Variants in CLEC2A observed in about 807,000 individuals in gnomAD.
The protein encoded by CLEC2A is C-type lectin domain family 2 member A, also known as keratinocyte-associated C-type lectin.
A neutral mutation model predicts 18.6 loss-of-function variants in CLEC2A; 19 were observed. The observed-to-expected ratio is 1.02, with a 90% CI of 0.71 to 1.50. The LOEUF (loss-of-function observed/expected upper bound fraction) is 1.50, where lower values mean the gene tolerates loss of function less well. Among genes scored for constraint, CLEC2A ranks in the 40% most tolerant of loss-of-function variants. The pLI, the probability that CLEC2A is intolerant of heterozygous loss-of-function variation, is 0.00. For synonymous variants in CLEC2A, 74 were observed against 64.0 expected, an observed-to-expected ratio of 1.16 and a Z score of -0.75; for missense variants, 190 against 207.9, an observed-to-expected ratio of 0.91 and a Z score of 0.53.
rs895924788 is a variant in CLEC2A at position 9,906,720 on chromosome 12, C to T, written c.411-7744G>A. Among the ~76,000 whole-genome samples the T allele has an allele frequency of 2.0e-4, 30 of 152,216 alleles. 1 individual carries two copies. On this transcript the variant is annotated intron_variant, in intron 4 of 4. Coordinates refer to the CLEC2A transcript ENST00000339766. ...GCTTCTCCATCTATTATTGAATACC[C>T]ATTATGTCTTTTTCCCTCAATTACC...
intron 2 of CLEC2A, among the ~76,000 whole-genome samples, chr12:9,924,539 C>T (rs1482785592): frequency 6.6e-6 from 1 of 151,338 alleles, no homozygotes; most frequent in African/African-American, 2.4e-5. Context: ...GCAAACCATG[C>T]ATATGGAAAA....
chr12:9,916,891 T>C (rs1419223044), intron 3 of CLEC2A, 88 bp from the exon 4 acceptor site: 1 of 767,348 alleles, frequency 1.3e-6, no homozygotes, highest in African/African-American at 1.7e-5. Flanking sequence ...TTCTATCTTT[T>C]AGGATTCACA....
chr12:9,884,811 C>T, the CLEC2A span: 4 of 379,358 alleles, frequency 1.1e-5, no homozygotes. Context: ...TTTAGATTTT[C>T]ATTTAATCAT....
chr12:9,889,143 G>C, the CLEC2A span, among the ~76,000 whole-genome samples: 2 of 152,202 alleles, frequency 1.3e-5, no homozygotes, highest in African/African-American at 4.8e-5. Flanking sequence ...ATAGACCTAT[G>C]TTTGAATCAA....
chr12:9,894,277 G>C (rs746494490), downstream of CLEC2A, among the ~76,000 whole-genome samples: 35 of 151,526 alleles, frequency 2.3e-4, no homozygotes, highest in Non-Finnish European at 4.3e-4. Context: ...GACCTTCTGG[G>C]CTCAAGCAAC....
chr12:9,888,600 G>A, the CLEC2A span: 2,547 of 517,634 alleles, frequency 4.9e-3, 6 homozygotes, highest in Non-Finnish European at 6.5e-3. Flanking sequence ...AAGAGGAGTG[G>A]ATGCATAGGA....
downstream of CLEC2A, chr12:9,895,904 G>T: frequency 7.2e-7 from 1 of 1,389,386 alleles, no homozygotes; most frequent in South Asian, 1.6e-5. Context: ...AAGATTTTTA[G>T]ATAAAGTTTC....
At chr12:9,894,596 C>T (rs868565952), downstream of CLEC2A, among the ~76,000 whole-genome samples, 5 of 152,112 alleles carry the variant, frequency 3.3e-5, no homozygotes, top group South Asian at 2.1e-4. Flanking sequence ...TGAAGGGTCA[C>T]GTTTAGACAT....
At chr12:9,897,504 C>G (rs1438546318), downstream of CLEC2A, among the ~76,000 whole-genome samples, 3 of 151,312 alleles carry the variant, frequency 2.0e-5, no homozygotes, top group African/African-American at 7.3e-5. Flanking sequence ...AAATTAGGCA[C>G]GTGGACACAT....
intron 1 of CLEC2A, 93 bp from the exon 2 acceptor site, chr12:9,926,436 A>T (rs953313086): frequency 2.0e-5 from 16 of 781,442 alleles, no homozygotes; most frequent in Non-Finnish European, 2.8e-5. Context: ...ATTGTTAATC[A>T]GGAAACCCTC....
At chr12:9,892,580 C>CTTTTTT in the CLEC2A span, among the ~76,000 whole-genome samples, 2 of 104,836 alleles carry the variant, frequency 1.9e-5, no homozygotes, top group African/African-American at 3.8e-5. Context: ...TACAGAACTG[C>CTTTTTT]TTTTTTTTTT....
At chr12:9,917,634 C>A (rs1041591006) in intron 3 of CLEC2A, among the ~76,000 whole-genome samples, 2 of 151,560 alleles carry the variant, frequency 1.3e-5, no homozygotes, top group Non-Finnish European at 3.0e-5. Context: ...CACGTAAACA[C>A]CACCGCAACC....
chr12:9,910,161 G>C (rs536683550), downstream of CLEC2A, among the ~76,000 whole-genome samples: 1 of 152,162 alleles, frequency 6.6e-6, no homozygotes, highest in Admixed American at 6.5e-5. Flanking sequence ...ATTGGCTCTC[G>C]AGCCCAAATG....
At chr12:9,894,151 T>TCG (rs1565524103), downstream of CLEC2A, among the ~76,000 whole-genome samples, 2 of 147,470 alleles carry the variant, frequency 1.4e-5, no homozygotes, top group African/African-American at 5.0e-5. Context: ...TCTCTCTCTC[T>TCG]CTCCCTCCCT....
At chr12:9,896,599 C>T (rs1375117009), downstream of CLEC2A, among the ~76,000 whole-genome samples, 2 of 151,972 alleles carry the variant, frequency 1.3e-5, no homozygotes, top group East Asian at 3.8e-4. Flanking sequence ...TGTAATGCTT[C>T]TAAATGAAAA....
At chr12:9,890,084 CACTCCCTCAA>C in the CLEC2A span, among the ~76,000 whole-genome samples, 3 of 152,238 alleles carry the variant, frequency 2.0e-5, no homozygotes, top group South Asian at 6.2e-4. Flanking sequence ...CCACCATCAT[CACTCCCTCAA>C]ACTAGATTAT....
At chr12:9,886,210 A>G in the CLEC2A span, among the ~76,000 whole-genome samples, 1 of 152,156 alleles carries the variant, frequency 6.6e-6, no homozygotes, top group Non-Finnish European at 1.5e-5. Context: ...TAACAATTAC[A>G]ATATGTGTGT....
chr12:9,904,859 C>T (rs982704707), intron 4 of CLEC2A, among the ~76,000 whole-genome samples: 3 of 152,186 alleles, frequency 2.0e-5, no homozygotes, highest in African/African-American at 7.2e-5. Flanking sequence ...AAAAGGGGGC[C>T]TGGCTGTCCA....
chr12:9,897,303 C>T (rs542171601), downstream of CLEC2A, among the ~76,000 whole-genome samples: 19 of 152,180 alleles, frequency 1.2e-4, no homozygotes, highest in Non-Finnish European at 1.5e-4. Context: ...TTCCCTCTAC[C>T]CCCTGGAAAC....
Sources: gnomAD v4.1 joint callset for allele counts (sites outside exome capture counted in the v4.1 genomes callset) on GRCh38, gnomAD v4.1.1 for gene constraint, MANE v1.5 for transcripts, NCBI Gene and HGNC (gene_info 2026-07-23, HGNC 2026-07-21) for gene names.